DLG2: variants seen among roughly 807,000 people sequenced by gnomAD.
DLG2 encodes discs large MAGUK scaffold protein 2, also known as disks large homolog 2.
Under a neutral mutation model 132.5 loss-of-function variants are expected in DLG2, and 45 were observed. That is an observed-to-expected ratio of 0.34 (90% CI 0.27 to 0.44). DLG2 has a LOEUF of 0.44. DLG2 is among the 20% of genes least tolerant of loss of function. The pLI, the probability that DLG2 is intolerant of heterozygous loss-of-function variation, is 1.00. For missense variants in DLG2, 1,045 were observed against 1,196.9 expected, an observed-to-expected ratio of 0.87 and a Z score of 1.87; for synonymous variants, 424 against 419.6, an observed-to-expected ratio of 1.01 and a Z score of -0.13.
chr11:84,546,522 C>CA (rs1157133889), intron 6 of DLG2: 8 of 327,870 alleles, frequency 2.4e-5, no homozygotes, highest in African/African-American at 1.7e-4. Context: ...CAGCCATCAA[C>CA]AAATATCTTT....
chr11:84,629,241 A>T (rs2099627780), intron 6 of DLG2, among the ~76,000 whole-genome samples: 1 of 152,250 alleles, frequency 6.6e-6, no homozygotes, highest in South Asian at 2.1e-4. Context: ...TGTAAAAACA[A>T]CAAAGAAAAC....
At chr11:83,545,447 C>G (rs949814386) in intron 19 of DLG2, among the ~76,000 whole-genome samples, 1 of 152,116 alleles carries the variant, frequency 6.6e-6, no homozygotes, top group Non-Finnish European at 1.5e-5. Flanking sequence ...AAGCTGTTTT[C>G]TGGACTATGT....
At chr11:83,819,927 T>C (rs1186551286) in intron 17 of DLG2, among the ~76,000 whole-genome samples, 1 of 150,976 alleles carries the variant, frequency 6.6e-6, no homozygotes. Context: ...TATGTTTAAA[T>C]ACAGGACCCT....
intron 19 of DLG2, among the ~76,000 whole-genome samples, chr11:83,630,952 T>C (rs1464511298): frequency 1.3e-5 from 2 of 152,166 alleles, no homozygotes; most frequent in Non-Finnish European, 2.9e-5. Flanking sequence ...CTTATATTTA[T>C]ATAATCAGAG....
chr11:83,741,139 G>A (rs2092474748), intron 18 of DLG2, among the ~76,000 whole-genome samples: 1 of 152,054 alleles, frequency 6.6e-6, no homozygotes, highest in Non-Finnish European at 1.5e-5. Flanking sequence ...ACTAGGCACT[G>A]AAGGAACATA....
intron 20 of DLG2, among the ~76,000 whole-genome samples, chr11:83,535,571 CCAGACACACACA>C (rs528029816): frequency 3.8e-4 from 57 of 151,914 alleles, no homozygotes; most frequent in Admixed American, 9.2e-4. Flanking sequence ...ATTAAGTCAG[CCAGACACACACA>C]CAGACACACA....
intron 18 of DLG2, among the ~76,000 whole-genome samples, chr11:83,780,866 C>G (rs1486817906): frequency 6.6e-6 from 1 of 152,156 alleles, no homozygotes; most frequent in Non-Finnish European, 1.5e-5. Context: ...TGACTTTGCC[C>G]AGTTCTCCAG....
At chr11:83,706,199 CA>C (rs1422498673) in intron 18 of DLG2, among the ~76,000 whole-genome samples, 1 of 146,260 alleles carries the variant, frequency 6.8e-6, no homozygotes, top group Non-Finnish European at 1.5e-5. Flanking sequence ...GCCTGGGTGA[CA>C]GAGCAAGACT....
chr11:85,390,649 T>G (rs539711569), intron 3 of DLG2, among the ~76,000 whole-genome samples: 1 of 152,174 alleles, frequency 6.6e-6, no homozygotes, highest in East Asian at 1.9e-4. Flanking sequence ...CTCAAAATCA[T>G]GCAAATACAT....
intron 4 of DLG2, among the ~76,000 whole-genome samples, chr11:85,239,650 T>C (rs942951632): frequency 2.6e-5 from 4 of 152,024 alleles, no homozygotes; most frequent in Non-Finnish European, 5.9e-5. Flanking sequence ...TATAAAAGTC[T>C]ATCCTATTTA....
At chr11:85,159,629 A>T (rs979897457) in intron 4 of DLG2, among the ~76,000 whole-genome samples, 1 of 152,184 alleles carries the variant, frequency 6.6e-6, no homozygotes, top group African/African-American at 2.4e-5. Flanking sequence ...GGTGACTCCA[A>T]TTGCAGCTGC....
intron 6 of DLG2, among the ~76,000 whole-genome samples, chr11:85,109,028 G>A (rs771911470): frequency 6.7e-6 from 1 of 148,912 alleles, no homozygotes; most frequent in African/African-American, 2.5e-5. Flanking sequence ...TACCAGTTTG[G>A]TATATCTCCA....
intron 9 of DLG2, among the ~76,000 whole-genome samples, chr11:84,115,548 C>T (rs1283832165): frequency 1.3e-5 from 2 of 152,206 alleles, no homozygotes; most frequent in South Asian, 4.1e-4. Context: ...TTGTATCCTT[C>T]TTCTCCCTTA....
intron 7 of DLG2, among the ~76,000 whole-genome samples, chr11:84,353,021 T>C (rs1600443221): frequency 6.6e-6 from 1 of 152,306 alleles, no homozygotes; most frequent in South Asian, 2.1e-4. Flanking sequence ...TATTTTTCCA[T>C]GGGCACTTAA....
At chr11:85,111,044 C>T (rs1295274384) in intron 6 of DLG2, among the ~76,000 whole-genome samples, 1 of 152,122 alleles carries the variant, frequency 6.6e-6, no homozygotes. Context: ...GAAGTAGTAG[C>T]ATGAGTACAT....
At chr11:84,236,523 C>A (rs1363911569) in intron 8 of DLG2, among the ~76,000 whole-genome samples, 1 of 152,218 alleles carries the variant, frequency 6.6e-6, no homozygotes, top group Non-Finnish European at 1.5e-5. Flanking sequence ...CAGGCCATGA[C>A]TCCTTTTTTA....
chr11:85,135,228 A>G (rs997642472), intron 5 of DLG2, among the ~76,000 whole-genome samples: 33 of 152,210 alleles, frequency 2.2e-4, no homozygotes, highest in African/African-American at 7.5e-4. Context: ...AAAGTTGACA[A>G]AGAACTTGTA....
Position 84,964,381 on chromosome 11 carries a change from C to A in DLG2, c.357+147280G>T, listed in dbSNP as rs150270155. On this transcript the variant is annotated intron_variant, in intron 6 of 27. Coordinates refer to ENST00000376104, the MANE Select transcript of DLG2 (RefSeq NM_001142699.3). The stretch of plus-strand genomic sequence containing the variant: ...ACTGATTTTTGAAATTTAATTCTGC[C>A]ACTACTCATAAACAATATTACCACC... 2.9e-3 allele frequency among the ~76,000 whole-genome samples: 438 copies of A among 152,086 alleles called. 3 individuals are homozygous for A. The highest frequency in any genetic ancestry group is 6.8e-3 in the Middle Eastern group (2 of 292).
At chr11:84,290,306 A>G (rs2097972500) in intron 7 of DLG2, among the ~76,000 whole-genome samples, 1 of 152,076 alleles carries the variant, frequency 6.6e-6, no homozygotes, top group Non-Finnish European at 1.5e-5. Context: ...TTCACTTTAC[A>G]TGTTTTTCCA....
Sources: gnomAD v4.1 joint callset for allele counts (sites outside exome capture counted in the v4.1 genomes callset) on GRCh38, gnomAD v4.1.1 for gene constraint, MANE v1.5 for transcripts, NCBI Gene and HGNC (gene_info 2026-07-23, HGNC 2026-07-21) for gene names.